The following TTR variants were observed in gnomAD, a reference collection of about 807,000 sequenced individuals.
TTR encodes epididymis luminal protein 111.
A neutral mutation model predicts 13.7 loss-of-function variants in TTR; 8 were observed. The observed-to-expected ratio is 0.58, with a 90% CI of 0.34 to 1.05. TTR has a LOEUF of 1.05. Ranked by LOEUF, TTR falls within the 50% of genes least tolerant of loss-of-function variation. The probability of loss-of-function intolerance (pLI) is 0.02; values close to 1 mark genes in which losing one functional copy is unlikely to be tolerated. For missense variants in TTR, 135 were observed against 185.5 expected (o/e 0.73, Z 1.58); for synonymous variants, 75 against 71.7 (o/e 1.05, Z -0.23).
At position 31,592,924 on chromosome 18, in the gene TTR, T is replaced by C. The variant is rs768273993; in HGVS notation, c.98T>C (p.Met33Thr). The C allele has an allele frequency of 6.2e-7, 1 of 1,614,128 alleles. No individual in the cohort carries two copies. The highest frequency in any genetic ancestry group is 1.1e-5 in the South Asian group (1 of 91,086). ...ACCGGTGAATCCAAGTGTCCTCTGATGGTCAAAGTTCTAGATGCTGTCCGA... is the reference window on the plus strand; with the variant it reads ...ACCGGTGAATCCAAGTGTCCTCTGACGGTCAAAGTTCTAGATGCTGTCCGA... ...TGTGESKCPL[M>T]VKVLDAVRGS... is the part of the protein sequence containing the mutation. The change falls in exon 2 of 4, where the codon ATG becomes ACG. Residue 33 changes from methionine (M) to threonine (T), a missense_variant. Physicochemically the swap from Met to Thr is moderately conservative, Grantham distance 81 (BLOSUM62 -1). Coordinates refer to ENST00000237014, the MANE Select transcript of TTR (RefSeq NM_000371.4).
chr18:31,595,000 G>C, intron 2 of TTR, 120 bp from the exon 3 acceptor site: 1 of 1,146,682 alleles, frequency 8.7e-7, no homozygotes. Context: ...TTAGTTGAGG[G>C]GAAATGTTCA....
At chr18:31,596,454 C>T (rs917315083) in intron 3 of TTR, among the ~76,000 whole-genome samples, 13 of 152,044 alleles carry the variant, frequency 8.6e-5, no homozygotes, top group South Asian at 8.3e-4. Flanking sequence ...AGGGTTTCGG[C>T]GGCGCCCAGC....
chr18:31,596,343 T>C (rs1008492484), intron 3 of TTR, among the ~76,000 whole-genome samples: 1 of 152,170 alleles, frequency 6.6e-6, no homozygotes, highest in African/African-American at 2.4e-5. Context: ...GTTTGACTTC[T>C]GGGGCCCACA....
rs1389141050 is a variant in TTR at position 31,593,045 on chromosome 18, C to T, written c.200+19C>T. The T allele has an allele frequency of 3.1e-6, 5 of 1,613,278 alleles. No individual in the cohort carries two copies. The highest frequency in any genetic ancestry group is 2.2e-5 in the East Asian group (1 of 44,848). On this transcript the variant is annotated intron_variant, in intron 2 of 3. Transcript: ENST00000237014. ...CCTCTGGGTAAGTTGCCAAAGAACC[C>T]TCCCACAGGACTTGGTTTTATCTTC...
At chr18:31,593,475 T>A (rs1214737604) in intron 2 of TTR, 1 of 246,662 alleles carries the variant, frequency 4.1e-6, no homozygotes, top group Non-Finnish European at 8.0e-6. Flanking sequence ...GGAAAAGGTA[T>A]AATGTGTATT....
chr18:31,594,851 T>C (rs897985343), intron 2 of TTR, among the ~76,000 whole-genome samples: 1 of 150,996 alleles, frequency 6.6e-6, no homozygotes, highest in Non-Finnish European at 1.5e-5. Context: ...GTGACAAGAG[T>C]AAAACTCTGT....
Position 31,598,668 on chromosome 18 carries a change from A to G in TTR, c.437A>G (p.Lys146Arg), listed in dbSNP as rs536294863. ...YSTTAVVTNP[K>R]E ...ACCACGGCTGTCGTCACCAATCCCA[A>G]GGAATGAGGGACTTCTCCTCCAGTG... Residue 146 changes from lysine (K) to arginine (R), a missense_variant, in exon 4 of 4, where the codon AAG becomes AGG. By Grantham distance (26) the Lys-to-Arg change is conservative (BLOSUM62 2). Transcript: ENST00000237014. The G allele has an allele frequency of 6.6e-5, 107 of 1,614,150 alleles. No homozygotes were observed. In the Admixed American group the frequency reaches 1.7e-3, roughly 26 times the overall value.
chr18:31,592,479 T>G (rs1389756791), intron 1 of TTR, among the ~76,000 whole-genome samples: 1 of 152,238 alleles, frequency 6.6e-6, no homozygotes, highest in African/African-American at 2.4e-5. Flanking sequence ...GATGTAGTTC[T>G]GACATTATTT....
intron 3 of TTR, chr18:31,598,332 G>A: frequency 1.6e-6 from 1 of 634,016 alleles, no homozygotes; most frequent in Non-Finnish European, 2.9e-6. Context: ...CTGACTTTCG[G>A]CGTGAATTTG....
chr18:31,596,459 C>T (rs1244987374), intron 3 of TTR, among the ~76,000 whole-genome samples: 1 of 152,100 alleles, frequency 6.6e-6, no homozygotes, highest in East Asian at 1.9e-4. Context: ...TTCGGCGGCG[C>T]CCAGCACAAG....
chr18:31,597,387 TAAG>T (rs2073522450), intron 3 of TTR: 1 of 152,202 alleles, frequency 6.6e-6, no homozygotes. Context: ...TTACAATTTT[TAAG>T]AAGAATCAAG....
intron 3 of TTR, chr18:31,595,536 T>C: frequency 3.7e-6 from 2 of 534,092 alleles, no homozygotes; most frequent in Non-Finnish European, 7.1e-6. Flanking sequence ...ATGTATCTGC[T>C]GTTGAAATAA....
chr18:31,591,966 C>T lies in TTR; in HGVS notation c.64C>T (p.Pro22Ser). The change falls in exon 1 of 4, where the codon CCT becomes TCT. Residue 22 changes from proline to serine, a missense_variant. Coordinates refer to ENST00000237014, the MANE Select transcript of TTR (RefSeq NM_000371.4). ...AGLVFVSEAG[P>S]TGTGESKCPL... is the part of the protein sequence containing the mutation. The stretch of plus-strand genomic sequence containing the variant: ...ACTGGTATTTGTGTCTGAGGCTGGC[C>T]CTACGGTGAGTGTTTCTGTGACATC... 6.2e-7 allele frequency: 1 copy of T among 1,614,106 alleles called. No individual in the cohort carries two copies. Among genetic ancestry groups the T allele is most frequent in the Admixed American group, 1.7e-5 (1 of 60,016 alleles).
In TTR at chr18:31,598,745, T is replaced by A; in HGVS notation, c.*70T>A. On this transcript the variant is annotated 3_prime_UTR_variant, in exon 4 of 4. Coordinates refer to ENST00000237014, the MANE Select transcript of TTR (RefSeq NM_000371.4). ...CATGTAACCAAGAGTATTCCATTTTTACTAAAGCAGTGTTTTCACCTCATA... is the reference window on the plus strand; with the variant it reads ...CATGTAACCAAGAGTATTCCATTTTAACTAAAGCAGTGTTTTCACCTCATA... The A allele has an allele frequency of 1.3e-6, 2 of 1,526,062 alleles. No homozygotes were observed. Among genetic ancestry groups the A allele is most frequent in the Middle Eastern group, 1.8e-4 (1 of 5,544 alleles). The allele number at this position is 1,526,062 out of a possible 1,614,324, so 94.5% of individuals were successfully genotyped here.
intron 3 of TTR, chr18:31,595,524 T>C: frequency 3.5e-6 from 2 of 565,576 alleles, no homozygotes; most frequent in Admixed American, 2.2e-5. Flanking sequence ...ATATGAATAT[T>C]GATGTATCTG....
At chr18:31,594,064 C>T (rs562860580) in intron 2 of TTR, among the ~76,000 whole-genome samples, 1 of 151,610 alleles carries the variant, frequency 6.6e-6, no homozygotes, top group African/African-American at 2.4e-5. Flanking sequence ...AAAGTGGTTA[C>T]AGGACTATTC....
At chr18:31,595,032 A>T in intron 2 of TTR, 88 bp from the exon 3 acceptor site, 1 of 1,371,782 alleles carries the variant, frequency 7.3e-7, no homozygotes, top group South Asian at 1.2e-5. Flanking sequence ...TAACATGTTT[A>T]TGTGTGTTAG....
rs1598844137 is a variant in TTR, at chr18:31,592,963, T to C, written c.137T>C (p.Ile46Thr). The change falls in exon 2 of 4, where the codon ATC becomes ACC. Residue 46 changes from isoleucine (I) to threonine (T), a missense_variant. Transcript: ENST00000237014. ...VLDAVRGSPAINVAVHVFRKA... is the reference protein window; with the variant it reads ...VLDAVRGSPATNVAVHVFRKA... ...GATGCTGTCCGAGGCAGTCCTGCCA[T>C]CAATGTGGCCGTGCATGTGTTCAGA... 1.9e-6 allele frequency: 3 copies of C among 1,614,040 alleles called. No homozygotes were observed. The African/African-American group carries it at 4.0e-5, about 22-fold the overall frequency.
chr18:31,593,831 C>G (rs943884769), intron 2 of TTR, among the ~76,000 whole-genome samples: 2 of 152,054 alleles, frequency 1.3e-5, no homozygotes, highest in Non-Finnish European at 2.9e-5. Context: ...GCAAAGTGAC[C>G]AGAAGACAGA....
Sources: allele counts gnomAD v4.1 joint callset (sites outside exome capture counted in the v4.1 genomes callset), GRCh38; gene constraint gnomAD v4.1.1; transcripts MANE v1.5; gene names NCBI Gene and HGNC (gene_info 2026-07-23, HGNC 2026-07-21).